The following DCDC1 variants were observed in gnomAD, a reference collection of about 807,000 sequenced individuals.
DCDC1 encodes doublecortin domain-containing protein 1.
A neutral mutation model predicts 178.3 loss-of-function variants in DCDC1; 200 were observed. The ratio of observed to expected loss-of-function variants is 1.12; its 90% CI spans 1.00 to 1.26. The LOEUF (loss-of-function observed/expected upper bound fraction) is 1.26. DCDC1 is among the 50% of genes most tolerant of loss of function. The pLI, the probability that DCDC1 is intolerant of heterozygous loss-of-function variation, is 0.00. For missense variants in DCDC1, 1,983 were observed against 1,749.2 expected (o/e 1.13, Z -2.38); for synonymous variants, 690 against 604.8 (o/e 1.14, Z -2.07).
At chr11:31,357,305 T>A (rs1343967922) in intron 1 of DCDC1, among the ~76,000 whole-genome samples, 1 of 150,134 alleles carries the variant, frequency 6.7e-6, no homozygotes, top group Non-Finnish European at 1.5e-5. Context: ...ATAAATGTAA[T>A]CCAGCATATA....
intron 15 of DCDC1, among the ~76,000 whole-genome samples, chr11:31,098,742 T>C (rs1958314156): frequency 6.6e-6 from 1 of 152,166 alleles, no homozygotes; most frequent in African/African-American, 2.4e-5. Flanking sequence ...GGTTATTAAA[T>C]TACTATTCCC....
chr11:31,142,568 T>C (rs1347326358), intron 9 of DCDC1, among the ~76,000 whole-genome samples: 2 of 152,210 alleles, frequency 1.3e-5, no homozygotes, highest in African/African-American at 4.8e-5. Context: ...AGAGAAGGTG[T>C]ATTTTAGGAT....
rs1206801875 is a variant in DCDC1 at position 31,131,045 on chromosome 11, G to A, written c.1315-3406C>T. Among the ~76,000 whole-genome samples the A allele has an allele frequency of 7.2e-5, 6 of 82,798 alleles. 2 individuals are homozygous for A. The highest frequency in any genetic ancestry group is 1.6e-4 in the Non-Finnish European group (6 of 38,250). The allele number at this position is 82,798 out of a possible 152,430, so 54.3% of individuals were successfully genotyped here. ...AAAATACAAAAAATTAGCCGGGCGC[G>A]GTGGCGGGCGCCTGTAGTCCCAGCT... On this transcript the variant is annotated intron_variant, in intron 10 of 38. Coordinates refer to ENST00000684477, the MANE Select transcript of DCDC1 (RefSeq NM_001387274.1).
intron 9 of DCDC1, among the ~76,000 whole-genome samples, chr11:31,177,716 A>G (rs1968245142): frequency 6.6e-6 from 1 of 152,204 alleles, no homozygotes. Context: ...AAGCAGCAAG[A>G]GTAGACATTC....
At position 31,185,625 on chromosome 11, in the gene DCDC1, A is replaced by G. The variant is rs571558961; in HGVS notation, c.1222-47841T>C. 1.4e-4 allele frequency among the ~76,000 whole-genome samples: 21 copies of G among 152,322 alleles called. No individual in the cohort carries two copies. In the South Asian group the frequency reaches 3.9e-3, roughly 29 times the overall value. On this transcript the variant is annotated intron_variant, in intron 9 of 38. Coordinates refer to ENST00000684477, the MANE Select transcript of DCDC1 (RefSeq NM_001387274.1). The stretch of plus-strand genomic sequence containing the variant: ...GGTGGTCAATTGTGTGGAAAATAAA[A>G]TAAAACAATATGTCAAAACCTGGTT...
intron 20 of DCDC1, among the ~76,000 whole-genome samples, chr11:31,006,053 A>G (rs1003719110): frequency 6.6e-6 from 1 of 151,378 alleles, no homozygotes; most frequent in African/African-American, 2.4e-5. Flanking sequence ...TTTCCATTTC[A>G]ACCCTACATC....
chr11:31,249,328 G>A (rs1943800531), intron 8 of DCDC1, among the ~76,000 whole-genome samples: 3 of 152,124 alleles, frequency 2.0e-5, no homozygotes, highest in Admixed American at 2.0e-4. Context: ...TTTAATAAAA[G>A]ATGACAGTGA....
chr11:31,165,926 T>G (rs1484019785), intron 9 of DCDC1, among the ~76,000 whole-genome samples: 1 of 152,208 alleles, frequency 6.6e-6, no homozygotes, highest in Non-Finnish European at 1.5e-5. Context: ...ACAGTTCATG[T>G]GCTTACCATG....
At chr11:30,946,777 G>A (rs949055269) in intron 21 of DCDC1, among the ~76,000 whole-genome samples, 1 of 152,194 alleles carries the variant, frequency 6.6e-6, no homozygotes, top group African/African-American at 2.4e-5. Context: ...CTTTTAGACT[G>A]TGCCATTGAC....
intron 9 of DCDC1, among the ~76,000 whole-genome samples, chr11:31,225,430 A>G: frequency 6.6e-6 from 1 of 151,922 alleles, no homozygotes; most frequent in Admixed American, 6.6e-5. Context: ...TAAACTGCTC[A>G]GGTGACAGGT....
intron 1 of DCDC1, among the ~76,000 whole-genome samples, chr11:31,339,701 G>A (rs1325918534): frequency 6.6e-6 from 1 of 152,178 alleles, no homozygotes; most frequent in Non-Finnish European, 1.5e-5. Context: ...TTGTACTTCA[G>A]ATGCCAAGAA....
intron 38 of DCDC1, among the ~76,000 whole-genome samples, chr11:30,870,579 T>C (rs1459684700): frequency 6.6e-6 from 1 of 152,222 alleles, no homozygotes; most frequent in East Asian, 1.9e-4. Flanking sequence ...CAAAAAGGGT[T>C]TGACACTGGA....
At chr11:31,032,545 A>T (rs1590820226) in intron 20 of DCDC1, among the ~76,000 whole-genome samples, 3 of 151,128 alleles carry the variant, frequency 2.0e-5, no homozygotes, top group Non-Finnish European at 4.4e-5. Context: ...ACATACATAC[A>T]TATGCCTCAG....
At chr11:31,357,096 C>T (rs1168500023) in intron 1 of DCDC1, among the ~76,000 whole-genome samples, 2 of 152,124 alleles carry the variant, frequency 1.3e-5, no homozygotes, top group Non-Finnish European at 2.9e-5. Flanking sequence ...ATGAGGGCAG[C>T]ATCATCCTGA....
At chr11:31,234,955 G>C (rs1177489575) in intron 9 of DCDC1, among the ~76,000 whole-genome samples, 5 of 152,152 alleles carry the variant, frequency 3.3e-5, no homozygotes, top group African/African-American at 4.8e-5. Flanking sequence ...CCTGTAGGTG[G>C]TTGAGTAATT....
rs11826431 is a variant in DCDC1, at chr11:31,338,036, A to C, written c.-124-2472T>G. ...ATCTGTTCAGCACTCCAGAACAGCA[A>C]ATTCTCCATTGACCACATCAGATGT... On this transcript the variant is annotated intron_variant, in intron 1 of 38. Transcript: ENST00000684477. Among the ~76,000 whole-genome samples, 272 of 152,276 alleles carry C rather than the reference A, an allele frequency of 1.8e-3. 1 individual carries two copies. Among genetic ancestry groups the C allele is most frequent in the African/African-American group, 6.2e-3 (258 of 41,564 alleles).
At chr11:31,001,493 A>G (rs1309035666) in intron 20 of DCDC1, among the ~76,000 whole-genome samples, 15 of 152,200 alleles carry the variant, frequency 9.9e-5, no homozygotes, top group Admixed American at 9.8e-4. Flanking sequence ...GCTGCAGTTA[A>G]TTACATGAAG....
At chr11:31,352,291 A>G (rs1951111129) in intron 1 of DCDC1, among the ~76,000 whole-genome samples, 2 of 152,170 alleles carry the variant, frequency 1.3e-5, no homozygotes, top group South Asian at 2.1e-4. Flanking sequence ...AAACATCCTT[A>G]TCGTGTATAT....
chr11:31,144,279 C>G (rs910649620), intron 9 of DCDC1, among the ~76,000 whole-genome samples: 1 of 151,902 alleles, frequency 6.6e-6, no homozygotes, highest in Non-Finnish European at 1.5e-5. Context: ...GGACTACAGG[C>G]GCGTGCCACC....
Sources: gnomAD v4.1 joint callset for allele counts (sites outside exome capture counted in the v4.1 genomes callset) on GRCh38, gnomAD v4.1.1 for gene constraint, MANE v1.5 for transcripts, NCBI Gene and HGNC (gene_info 2026-07-23, HGNC 2026-07-21) for gene names.